The following SORCS2 variants were observed in gnomAD, a reference collection of about 807,000 sequenced individuals.
SORCS2 encodes VPS10 domain-containing receptor SorCS2.
A neutral mutation model predicts 141.6 loss-of-function variants in SORCS2; 100 were observed. The ratio of observed to expected loss-of-function variants is 0.71; its 90% confidence interval spans 0.60 to 0.83. SORCS2 has a LOEUF of 0.83. Ranked by LOEUF, SORCS2 falls within the 40% of genes least tolerant of loss-of-function variation. SORCS2 has a pLI of 0.00. For synonymous variants in SORCS2, 789 were observed against 676.9 expected (o/e 1.17, Z -2.57); for missense variants, 1,646 against 1,560.2 (o/e 1.05, Z -0.93).
At chr4:7,411,498 C>T (rs574418434) in intron 2 of SORCS2, among the ~76,000 whole-genome samples, 1 of 152,018 alleles carries the variant, frequency 6.6e-6, no homozygotes, top group Non-Finnish European at 1.5e-5. Flanking sequence ...TTCTATCCAC[C>T]CTTCCCACCT....
intron 9 of SORCS2, among the ~76,000 whole-genome samples, chr4:7,677,853 AC>A (rs1374320932): frequency 1.3e-5 from 2 of 151,622 alleles, no homozygotes; most frequent in Non-Finnish European, 2.9e-5. Context: ...GGCAGCGCCC[AC>A]CCCCACCCCT....
At chr4:7,685,196 C>G (rs1723798620) in intron 10 of SORCS2, among the ~76,000 whole-genome samples, 1 of 152,234 alleles carries the variant, frequency 6.6e-6, no homozygotes. Context: ...AGACTCTTGT[C>G]TGCGATTATG....
rs1158983664 is a variant in SORCS2 at position 7,724,468 on chromosome 4, ATGGTGATGG to A, written c.2611+600_2611+608del. Reference sequence around the variant, plus strand: ...AATGGTGGTGGTGATGGTGGTGGTGATGGTGATGGTGGTGATGGTGGTGGTGGTGACAAT... The same window carrying A: ...AATGGTGGTGGTGATGGTGGTGGTGATGGTGATGGTGGTGGTGGTGACAAT... On this transcript the variant is annotated intron_variant, in intron 19 of 26. Coordinates refer to ENST00000507866, the MANE Select transcript of SORCS2 (RefSeq NM_020777.3). Among the ~76,000 whole-genome samples, 8 of 31,188 alleles carry A rather than the reference ATGGTGATGG, an allele frequency of 2.6e-4. No individual in the cohort carries two copies. The South Asian group carries it at 7.7e-3, about 30-fold the overall frequency. 20.5% of individuals were successfully genotyped at this position (31,188 alleles called of 152,430 possible). A position where few individuals can be genotyped will look rare whatever the true frequency, so the allele number is the denominator to read the frequency against.
chr4:7,619,296 T>G (rs1015949379), intron 3 of SORCS2, among the ~76,000 whole-genome samples: 7 of 152,196 alleles, frequency 4.6e-5, no homozygotes, highest in African/African-American at 1.7e-4. Flanking sequence ...GATCCAACAT[T>G]GTTTCCCTCC....
intron 3 of SORCS2, among the ~76,000 whole-genome samples, chr4:7,598,175 G>A (rs1717413444): frequency 6.6e-6 from 1 of 151,998 alleles, no homozygotes; most frequent in South Asian, 2.1e-4. Flanking sequence ...CACCATGTTG[G>A]CCAGGCTGGT....
rs781486107 is a variant in SORCS2, at chr4:7,718,089, T to C, written c.2330T>C (p.Leu777Pro). The C allele has an allele frequency of 1.2e-6, 2 of 1,611,762 alleles. No individual in the cohort carries two copies. The highest frequency in any genetic ancestry group is 3.3e-5 in the Admixed American group (2 of 59,790). The change falls in exon 18 of 27, where the codon CTC (leucine) becomes CCC (proline). Residue 777 changes from leucine to proline, a missense_variant. Leu to Pro is a moderately conservative substitution (Grantham distance 98). Transcript: ENST00000507866. ...QQSQVQLQCP[L>P]TPPRGLQVSI... ...AGTCAGGTGCAGCTGCAGTGCCCCC[T>C]CACGCCGCCCCGGGGCCTGCAGGTC...
rs140590830 is a variant in SORCS2, at chr4:7,728,961, G to C, written c.2982+499G>C. On this transcript the variant is annotated intron_variant, in intron 22 of 26. Transcript: ENST00000507866. ...GAGGACCAGTCCTCTGGAGCCACCT[G>C]AGGCTATCACAGGCTGAGGCCTACT... Among the ~76,000 whole-genome samples the C allele has an allele frequency of 9.3e-3, 1,421 of 152,302 alleles. 20 individuals are homozygous for C. The highest frequency in any genetic ancestry group is 0.032 in the African/African-American group (1,341 of 41,556).
At chr4:7,393,483 TG>T (rs969478429) in intron 1 of SORCS2, among the ~76,000 whole-genome samples, 2 of 152,230 alleles carry the variant, frequency 1.3e-5, no homozygotes, top group African/African-American at 4.8e-5. Flanking sequence ...AGGCTTTCAG[TG>T]TGGCAGTGAA....
chr4:7,384,809 A>G (rs1723194958), intron 1 of SORCS2, among the ~76,000 whole-genome samples: 1 of 152,224 alleles, frequency 6.6e-6, no homozygotes, highest in Non-Finnish European at 1.5e-5. Flanking sequence ...CACAGCAGGC[A>G]CGGGCACGTA....
chr4:7,240,849 G>A (rs1336069557), intron 1 of SORCS2, among the ~76,000 whole-genome samples: 5 of 152,124 alleles, frequency 3.3e-5, no homozygotes, highest in Non-Finnish European at 1.5e-5. Context: ...TTTACACCCC[G>A]GTCGACCTTC....
At chr4:7,511,632 C>T (rs1337175253) in intron 2 of SORCS2, among the ~76,000 whole-genome samples, 4 of 152,172 alleles carry the variant, frequency 2.6e-5, no homozygotes, top group South Asian at 2.1e-4. Flanking sequence ...CTGGCCTGGG[C>T]GTGGCCCCGT....
intron 4 of SORCS2, among the ~76,000 whole-genome samples, chr4:7,652,428 C>A (rs1385164183): frequency 6.6e-6 from 1 of 152,168 alleles, no homozygotes; most frequent in Non-Finnish European, 1.5e-5. Flanking sequence ...TCTCCCCAGG[C>A]CTGGGGCACT....
intron 2 of SORCS2, among the ~76,000 whole-genome samples, chr4:7,527,538 T>A (rs1733772508): frequency 6.6e-6 from 1 of 152,200 alleles, no homozygotes; most frequent in Non-Finnish European, 1.5e-5. Context: ...GGTTCTCCTC[T>A]GGAGCTTCCA....
At chr4:7,498,794 G>C (rs566119165) in intron 2 of SORCS2, among the ~76,000 whole-genome samples, 1 of 152,368 alleles carries the variant, frequency 6.6e-6, no homozygotes, top group East Asian at 1.9e-4. Flanking sequence ...GCCAGCATGA[G>C]CAACCCCTGG....
intron 1 of SORCS2, among the ~76,000 whole-genome samples, chr4:7,336,635 C>T (rs1246624090): frequency 1.9e-5 from 1 of 53,434 alleles, no homozygotes; most frequent in South Asian, 5.8e-4. Flanking sequence ...TTGGGTGAGC[C>T]GTGCCCAGAA....
At chr4:7,334,303 G>A (rs1029894757) in intron 1 of SORCS2, among the ~76,000 whole-genome samples, 7 of 152,062 alleles carry the variant, frequency 4.6e-5, no homozygotes, top group Non-Finnish European at 8.8e-5. Flanking sequence ...TCCTTCCCCA[G>A]CCTGCCTTCC....
intron 3 of SORCS2, among the ~76,000 whole-genome samples, chr4:7,578,830 A>T (rs1715946090): frequency 6.6e-6 from 1 of 152,130 alleles, no homozygotes; most frequent in African/African-American, 2.4e-5. Context: ...AATTCTACTC[A>T]ATTTCATTTC....
In SORCS2 at chr4:7,325,774, C is replaced by G. The variant is rs188146179; in HGVS notation, c.481-70514C>G. Among the ~76,000 whole-genome samples, 161 of 152,306 alleles carry G rather than the reference C, an allele frequency of 1.1e-3. 1 individual carries two copies. The East Asian group carries it at 0.023, about 21-fold the overall frequency. On this transcript the variant is annotated intron_variant, in intron 1 of 26. Transcript: ENST00000507866. ...TGAGCTCTGGGACCTTCCCTCCCCC[C>G]ACGCCCACCCTCCGGTCTTCTTGCT... is the stretch of plus-strand genomic sequence containing the variant.
At chr4:7,517,440 A>G (rs73214605) in intron 2 of SORCS2, among the ~76,000 whole-genome samples, 17,245 of 152,150 alleles carry the variant, frequency 0.11, 1,072 homozygotes, top group South Asian at 0.21. Flanking sequence ...GACCTCATCT[A>G]CTTGTGTCTT....
Sources: allele counts gnomAD v4.1 joint callset (sites outside exome capture counted in the v4.1 genomes callset), GRCh38; gene constraint gnomAD v4.1.1; transcripts MANE v1.5; gene names NCBI Gene and HGNC (gene_info 2026-07-23, HGNC 2026-07-21).